The following FREM3 variants were observed in gnomAD, a reference collection of about 807,000 sequenced individuals.
FREM3 encodes FRAS1 related extracellular matrix 3.
Under a neutral mutation model 129.1 loss-of-function variants are expected in FREM3, and 105 were observed. The observed-to-expected ratio is 0.81, with a 90% CI of 0.69 to 0.96. The LOEUF is 0.96. Ranked by LOEUF, FREM3 falls within the 40% of genes least tolerant of loss-of-function variation. The probability of loss-of-function intolerance (pLI) is 0.00; values close to 1 mark genes in which losing one functional copy is unlikely to be tolerated. For missense variants in FREM3, 2,593 were observed against 2,666.3 expected, an observed-to-expected ratio of 0.97 and a Z score of 0.61; for synonymous variants, 1,014 against 1,044.9, an observed-to-expected ratio of 0.97 and a Z score of 0.57.
In FREM3 at chr4:143,698,236, C is replaced by T. The variant is rs146666050; in HGVS notation, c.2440G>A (p.Val814Met). 1.6e-4 allele frequency: 243 copies of T among 1,537,406 alleles called. No homozygotes were observed. The highest frequency in any genetic ancestry group is 7.1e-4 in the Admixed American group (36 of 51,002). ...AGGAATAATGTGAATGTGCCTGGCA[C>T]GCTATTGCCTGCAGCATCTTCCACC... ...YQVEDAAGNS[V>M]PGTFTLFLQP... is the part of the protein sequence containing the mutation. The change falls in exon 1 of 8, where the codon GTG (valine) becomes ATG (methionine). Residue 814 changes from valine to methionine, a missense_variant. This residue lies in a region of FREM3 where 2,276 missense variants were observed against 2,267.2 expected (regional missense o/e 1.00). Coordinates refer to ENST00000329798, the MANE Select transcript of FREM3 (RefSeq NM_001168235.2).
rs1054365745 is a variant in FREM3, at chr4:143,700,346, G to C, written c.330C>G (p.Leu110=). ...LDALPRLKGA[L]SPRRFPCTFG... ...AGGTGCAGGGGAAGCGGCGCGGGGA[G>C]AGCGCGCCCTTGAGCCGCGGCAGGG... The change falls in exon 1 of 8, where the codon CTC becomes CTG. Residue 110 remains leucine (L), a synonymous_variant. Transcript: ENST00000329798. 3 of 1,534,746 alleles carry C rather than the reference G, an allele frequency of 2.0e-6. No homozygotes were observed. In the African/African-American group the frequency reaches 4.1e-5, roughly 21 times the overall value.
intron 2 of FREM3, among the ~76,000 whole-genome samples, chr4:143,662,137 G>C (rs1379478622): frequency 6.6e-6 from 1 of 151,936 alleles, no homozygotes; most frequent in Non-Finnish European, 1.5e-5. Context: ...GCTAGCTTTT[G>C]AATGTGTTTG....
chr4:143,696,970 G>A lies in FREM3; in HGVS notation c.3706C>T (p.Pro1236Ser), dbSNP rs1740583673. 1.3e-6 allele frequency: 2 copies of A among 1,537,646 alleles called. No individual in the cohort carries two copies. Among genetic ancestry groups the A allele is most frequent in the South Asian group, 2.4e-5 (2 of 84,064 alleles). ...NELHFQLTAL[P>S]RHGRIIQQLA... Reference sequence around the variant, plus strand: ...TGCTGTATGATTCGTCCATGCCGAGGGAGGGCTGTGAGTTGAAAGTGGAGC... The same window carrying A: ...TGCTGTATGATTCGTCCATGCCGAGAGAGGGCTGTGAGTTGAAAGTGGAGC... Residue 1236 changes from proline to serine, a missense_variant, in exon 1 of 8, where the codon CCT becomes TCT. Coordinates refer to ENST00000329798, the MANE Select transcript of FREM3 (RefSeq NM_001168235.2).
At position 143,590,723 on chromosome 4, in the gene FREM3, G is replaced by C. The variant is rs573648586; in HGVS notation, c.6029-4730C>G. Among the ~76,000 whole-genome samples the C allele has an allele frequency of 3.1e-3, 474 of 152,208 alleles. 1 individual carries two copies. The highest frequency in any genetic ancestry group is 0.011 in the African/African-American group (437 of 41,520). On this transcript the variant is annotated intron_variant, in intron 6 of 7. Transcript: ENST00000329798. ...TCTTTTTTTGCTGTGTCTCTGCCAG[G>C]CTTTGGTATCAGGATGATGCTGGCC...
At chr4:143,589,453 A>C (rs1446255303) in intron 6 of FREM3, among the ~76,000 whole-genome samples, 10 of 152,120 alleles carry the variant, frequency 6.6e-5, no homozygotes, top group Admixed American at 2.6e-4. Context: ...TCAGCTTTCT[A>C]CATGTGGCTA....
intron 2 of FREM3, among the ~76,000 whole-genome samples, chr4:143,629,879 C>G (rs1445463254): frequency 6.6e-6 from 1 of 152,110 alleles, no homozygotes; most frequent in Non-Finnish European, 1.5e-5. Context: ...AGCTGCCATT[C>G]CTGTGGGTTA....
chr4:143,685,183 C>A (rs1362649585), intron 2 of FREM3, among the ~76,000 whole-genome samples: 1 of 152,122 alleles, frequency 6.6e-6, no homozygotes, highest in Non-Finnish European at 1.5e-5. Context: ...AAAAGATCTT[C>A]ACCTAGGCAC....
At chr4:143,694,929 G>A (rs994440663) in intron 1 of FREM3, among the ~76,000 whole-genome samples, 1 of 152,176 alleles carries the variant, frequency 6.6e-6, no homozygotes, top group Admixed American at 6.5e-5. Context: ...TGGGAAAGTA[G>A]AGGGACCTGC....
chr4:143,696,041 T>C lies in FREM3; in HGVS notation c.4635A>G (p.Leu1545=). ...NKKPILTIHR[L]TLQKEDSQLI... ...GTTGGCTATCCTCTTTCTGTAGTGT[T>C]AGTCTATGGATGGTCAAGATAGGTT... The change falls in exon 1 of 8, where the codon CTA becomes CTG. Residue 1545 remains leucine, a synonymous_variant. Transcript: ENST00000329798. 1.3e-6 allele frequency: 2 copies of C among 1,537,814 alleles called. No homozygotes were observed. The highest frequency in any genetic ancestry group is 1.7e-6 in the Non-Finnish European group (2 of 1,147,032).
chr4:143,600,566 G>T (rs772999600), intron 6 of FREM3, among the ~76,000 whole-genome samples: 4 of 152,174 alleles, frequency 2.6e-5, no homozygotes, highest in Non-Finnish European at 5.9e-5. Context: ...GAACTTTGCA[G>T]TTGCCATTTA....
rs1484410893 is a variant in FREM3 at position 143,695,664 on chromosome 4, A to C, written c.5012T>G (p.Leu1671Trp). The change falls in exon 1 of 8, where the codon TTG becomes TGG. Residue 1671 changes from leucine to tryptophan, a missense_variant. By Grantham distance (61) the Leu-to-Trp change is moderately conservative (BLOSUM62 -2). This residue lies in a region of FREM3 where 2,276 missense variants were observed against 2,267.2 expected (regional missense o/e 1.00). Transcript: ENST00000329798. ...CATGTGTCCAGTGTGAAGGCGCTTCAAGGCTGGGGCACCCCTGTTGGTAGT... is the reference window on the plus strand; with the variant it reads ...CATGTGTCCAGTGTGAAGGCGCTTCCAGGCTGGGGCACCCCTGTTGGTAGT... ...QITTNRGAPALKRLHTGHMGF... is the reference protein window; with the variant it reads ...QITTNRGAPAWKRLHTGHMGF... The C allele has an allele frequency of 1.3e-6, 2 of 1,537,088 alleles. No homozygotes were observed. Among genetic ancestry groups the C allele is most frequent in the Admixed American group, 3.9e-5 (2 of 50,978 alleles).
chr4:143,624,283 G>T lies in FREM3; in HGVS notation c.5478C>A (p.Thr1826=). The change falls in exon 4 of 8, where the codon ACC becomes ACA. Residue 1826 remains threonine, a synonymous_variant. Coordinates refer to ENST00000329798, the MANE Select transcript of FREM3 (RefSeq NM_001168235.2). ...CAGGATTGAACTGGATCTGTTTATT[G>T]GTCTTCCATTTGAAATCTTTGTCTT... ...AKKDKDFKWK[T]NKQIQFNPGQ... is the part of the protein sequence containing the mutation. 2.0e-6 allele frequency: 3 copies of T among 1,536,926 alleles called. No individual in the cohort carries two copies. The highest frequency in any genetic ancestry group is 1.7e-6 in the Non-Finnish European group (2 of 1,146,730).
intron 6 of FREM3, among the ~76,000 whole-genome samples, chr4:143,607,571 T>C (rs973174555): frequency 2.6e-5 from 4 of 152,128 alleles, no homozygotes; most frequent in African/African-American, 4.8e-5. Context: ...AAGAGTTAGG[T>C]TGAGAATCCT....
At position 143,664,798 on chromosome 4, in the gene FREM3, G is replaced by A. The variant is rs544065405; in HGVS notation, c.5275+28315C>T. On this transcript the variant is annotated intron_variant, in intron 2 of 7. Transcript: ENST00000329798. ...TAAGCAAGCCTTGGCAATGGCGGGC[G>A]CCCCTCCCCCAACCTCGCTGCCGCC... Among the ~76,000 whole-genome samples, 104 of 152,236 alleles carry A rather than the reference G, an allele frequency of 6.8e-4. 1 individual carries two copies. The highest frequency in any genetic ancestry group is 1.0e-3 in the African/African-American group (42 of 41,560).
chr4:143,662,292 T>G (rs1739746498), intron 2 of FREM3, among the ~76,000 whole-genome samples: 1 of 152,192 alleles, frequency 6.6e-6, no homozygotes, highest in African/African-American at 2.4e-5. Flanking sequence ...TGTTGTGTCT[T>G]TGTTCTCATT....
At chr4:143,652,681 G>T (rs1236327653) in intron 2 of FREM3, among the ~76,000 whole-genome samples, 1 of 152,204 alleles carries the variant, frequency 6.6e-6, no homozygotes, top group African/African-American at 2.4e-5. Flanking sequence ...TGCTCAGGCT[G>T]GAGTACAGTG....
intron 6 of FREM3, among the ~76,000 whole-genome samples, chr4:143,599,009 A>T (rs1245685375): frequency 6.6e-6 from 1 of 152,124 alleles, no homozygotes; most frequent in Non-Finnish European, 1.5e-5. Flanking sequence ...CTGGTTTTGT[A>T]CTCAGCCTGG....
chr4:143,646,135 C>CA (rs891534034), intron 2 of FREM3, among the ~76,000 whole-genome samples: 13 of 151,492 alleles, frequency 8.6e-5, no homozygotes, highest in South Asian at 4.2e-4. Context: ...ATAATAATAA[C>CA]AAAAAAAAGA....
intron 7 of FREM3, among the ~76,000 whole-genome samples, chr4:143,580,427 C>G (rs1244102797): frequency 1.3e-5 from 2 of 152,192 alleles, no homozygotes; most frequent in South Asian, 2.1e-4. Flanking sequence ...CCATGACCAC[C>G]CCTACCACTG....
Sources: allele counts gnomAD v4.1 joint callset (sites outside exome capture counted in the v4.1 genomes callset), GRCh38; gene constraint gnomAD v4.1.1; regional missense constraint gnomAD v4.1.1; transcripts MANE v1.5; gene names NCBI Gene and HGNC (gene_info 2026-07-23, HGNC 2026-07-21).